Variants in MBP observed in about 807,000 individuals in gnomAD.
MBP encodes Golli-MBP.
In MBP, 16 loss-of-function variants were observed where a neutral mutation model predicts 35.8. The observed-to-expected ratio is 0.45, with a 90% CI of 0.30 to 0.68. The LOEUF (loss-of-function observed/expected upper bound fraction) is 0.68, where lower values mean the gene tolerates loss of function less well. Ranked by LOEUF, MBP falls within the 30% of genes least tolerant of loss-of-function variation. MBP has a pLI of 0.08. For synonymous variants in MBP, 143 were observed against 159.6 expected (o/e 0.90, Z 0.78); for missense variants, 380 against 404.7 (o/e 0.94, Z 0.52).
chr18:77,099,602 C>A (rs1975915493), intron 2 of MBP, among the ~76,000 whole-genome samples: 1 of 152,254 alleles, frequency 6.6e-6, no homozygotes. Flanking sequence ...GGCTCCAGGC[C>A]TGGCTTTGCT....
intron 3 of MBP, among the ~76,000 whole-genome samples, chr18:77,025,680 G>A (rs1972182274): frequency 6.8e-6 from 1 of 146,030 alleles, no homozygotes; most frequent in African/African-American, 2.6e-5. Context: ...TGATGACAGA[G>A]CGGACACTGT....
chr18:77,046,928 A>G (rs1973282298), intron 3 of MBP, among the ~76,000 whole-genome samples: 1 of 152,218 alleles, frequency 6.6e-6, no homozygotes, highest in Admixed American at 6.5e-5. Flanking sequence ...CTCTGATGCC[A>G]GGAAACATCA....
At chr18:77,092,425 A>G (rs1975571373) in intron 2 of MBP, among the ~76,000 whole-genome samples, 1 of 152,186 alleles carries the variant, frequency 6.6e-6, no homozygotes, top group Non-Finnish European at 1.5e-5. Flanking sequence ...CACAGAATTC[A>G]GCCGGGCCGC....
intron 2 of MBP, among the ~76,000 whole-genome samples, chr18:77,086,005 A>G (rs1975217410): frequency 6.6e-6 from 1 of 152,148 alleles, no homozygotes; most frequent in Non-Finnish European, 1.5e-5. Flanking sequence ...GGAGAGAGAG[A>G]GTGACAGACA....
intron 3 of MBP, among the ~76,000 whole-genome samples, chr18:77,057,865 T>G (rs12454163): frequency 1.6e-3 from 23 of 14,328 alleles, no homozygotes; most frequent in East Asian, 8.8e-3. Flanking sequence ...CTCGCTCTGT[T>G]GCCCAGGCTG....
intron 2 of MBP, among the ~76,000 whole-genome samples, chr18:77,070,983 A>G (rs950759305): frequency 6.6e-6 from 1 of 152,188 alleles, no homozygotes; most frequent in Admixed American, 6.5e-5. Context: ...ATGTACGTGC[A>G]CACATGGCAC....
intron 1 of MBP, among the ~76,000 whole-genome samples, chr18:77,118,671 C>T (rs1976785840): frequency 2.9e-5 from 4 of 137,642 alleles, no homozygotes; most frequent in Admixed American, 2.1e-4. Flanking sequence ...CACTACATAC[C>T]ACACACACAC....
At chr18:77,015,052 A>G in intron 4 of MBP, 1 of 981,964 alleles carries the variant, frequency 1.0e-6, no homozygotes, top group Non-Finnish European at 1.2e-6. Context: ...AATATTGAAG[A>G]GTATAAGAGA....
rs1350039068 is a variant in MBP at position 77,044,961 on chromosome 18, GGTGT to G, written c.139+21333_139+21336del. ...AACATGAGTGTGTGTGTGTAAGTGT[GGTGT>G]GTGAGTGTGGAGTGTGTGAGTGTTC... On this transcript the variant is annotated intron_variant, in intron 3 of 8. Coordinates refer to ENST00000355994, the MANE Select transcript of MBP (RefSeq NM_001025101.2). The surrounding 1 kb of genome is among the most constrained non-coding windows in gnomAD (Gnocchi z 4.4). 8.1e-6 allele frequency among the ~76,000 whole-genome samples: 1 copy of G among 122,910 alleles called. No individual in the cohort carries two copies. Among genetic ancestry groups the G allele is most frequent in the African/African-American group, 3.1e-5 (1 of 32,318 alleles). The allele number at this position is 122,910 out of a possible 152,430, so 80.6% of individuals were successfully genotyped here. A position where few individuals can be genotyped will look rare whatever the true frequency, so the allele number is the denominator to read the frequency against.
At chr18:77,064,471 G>A (rs1974109142) in intron 3 of MBP, among the ~76,000 whole-genome samples, 1 of 152,142 alleles carries the variant, frequency 6.6e-6, no homozygotes, top group Non-Finnish European at 1.5e-5. Flanking sequence ...TTTTGCACTT[G>A]CCTATCTCCT....
intron 3 of MBP, among the ~76,000 whole-genome samples, chr18:77,036,557 GC>G (rs1444392850): frequency 2.4e-5 from 3 of 126,788 alleles, no homozygotes; most frequent in Non-Finnish European, 3.2e-5. Context: ...ACTGAGCTGA[GC>G]AAGTGCTGGT....
chr18:76,997,801 A>T (rs1268934), intron 4 of MBP, among the ~76,000 whole-genome samples: 8 of 150,970 alleles, frequency 5.3e-5, no homozygotes, highest in Non-Finnish European at 7.4e-5. Context: ...TCCTGCCTCA[A>T]CCTCCCGAGT....
At chr18:77,099,630 T>C (rs554732124) in intron 2 of MBP, among the ~76,000 whole-genome samples, 2 of 152,358 alleles carry the variant, frequency 1.3e-5, no homozygotes, top group East Asian at 1.9e-4. Context: ...TTCCCCACCA[T>C]TGGCTACCTG....
intron 3 of MBP, among the ~76,000 whole-genome samples, chr18:77,037,746 T>C (rs1972834697): frequency 6.6e-6 from 1 of 152,220 alleles, no homozygotes; most frequent in South Asian, 2.1e-4. Context: ...AGCTGCTCTG[T>C]GCAGCCGAGG....
At chr18:77,034,757 G>C (rs1972686609) in intron 3 of MBP, among the ~76,000 whole-genome samples, 1 of 152,128 alleles carries the variant, frequency 6.6e-6, no homozygotes, top group Non-Finnish European at 1.5e-5. Flanking sequence ...GCGACCATTG[G>C]CTCACCCACC....
At chr18:76,984,583 T>G in intron 8 of MBP, 192 bp downstream of exon 8, 1 of 705,018 alleles carries the variant, frequency 1.4e-6, no homozygotes, top group South Asian at 1.9e-5. Context: ...TTCACATGCA[T>G]CTCGGAGGAA....
intron 2 of MBP, among the ~76,000 whole-genome samples, chr18:77,080,720 C>T (rs1311656442): frequency 6.6e-6 from 1 of 152,126 alleles, no homozygotes; most frequent in African/African-American, 2.4e-5. Flanking sequence ...GTCTCACTCT[C>T]TCACCCAGGC....
chr18:77,058,649 G>T (rs1465476469), intron 3 of MBP, among the ~76,000 whole-genome samples: 2 of 152,126 alleles, frequency 1.3e-5, no homozygotes, highest in Non-Finnish European at 2.9e-5. Context: ...GACTGGAATG[G>T]TGCCCAGAGC....
chr18:77,013,421 A>G, intron 4 of MBP: 1 of 985,488 alleles, frequency 1.0e-6, no homozygotes, highest in South Asian at 4.7e-5. Flanking sequence ...ACACAGCTAC[A>G]GAATTAGGAT....
Sources: gnomAD v4.1 joint callset for allele counts (sites outside exome capture counted in the v4.1 genomes callset) on GRCh38, gnomAD v4.1.1 for gene constraint, Gnocchi (gnomAD v3.1) non-coding constraint, MANE v1.5 for transcripts, NCBI Gene and HGNC (gene_info 2026-07-23, HGNC 2026-07-21) for gene names.